The following PCDH11X variants were observed in gnomAD, a reference collection of about 807,000 sequenced individuals.
PCDH11X encodes protocadherin 11 X-linked.
A neutral mutation model predicts 53.3 loss-of-function variants in PCDH11X; 18 were observed. The observed-to-expected ratio is 0.34, with a 90% CI of 0.23 to 0.50. PCDH11X has a LOEUF of 0.50. Ranked by LOEUF, PCDH11X falls within the 20% of genes least tolerant of loss-of-function variation. The pLI is 0.98. For missense variants in PCDH11X, 570 were observed against 1,032.4 expected (o/e 0.55, Z 6.14); for synonymous variants, 279 against 393.3 (o/e 0.71, Z 3.44).
chrX:92,217,106 T>A (rs1329230217), intron 7 of PCDH11X, among the ~76,000 whole-genome samples: 2 of 110,862 alleles, frequency 1.8e-5, no homozygotes, highest in Non-Finnish European at 3.8e-5. Flanking sequence ...TCATGCCAAA[T>A]TGTAAAGACC....
chrX:92,180,759 C>T (rs1331465491), intron 6 of PCDH11X, among the ~76,000 whole-genome samples: 1 of 111,788 alleles, frequency 8.9e-6, no homozygotes, highest in African/African-American at 3.3e-5. Flanking sequence ...AGCTCTCGCT[C>T]TTTGCGAACT....
intron 1 of PCDH11X, among the ~76,000 whole-genome samples, chrX:91,802,845 A>G (rs1409400590): frequency 9.0e-6 from 1 of 111,460 alleles, no homozygotes; most frequent in Non-Finnish European, 1.9e-5. Flanking sequence ...ATTTCTCCTC[A>G]CATCTGCAGA....
chrX:92,184,924 A>G (rs2066063737), intron 6 of PCDH11X, among the ~76,000 whole-genome samples: 1 of 111,125 alleles, frequency 9.0e-6, no homozygotes, highest in Non-Finnish European at 1.9e-5. Context: ...TGGTAATAAT[A>G]TAATATAATA....
intron 4 of PCDH11X, among the ~76,000 whole-genome samples, chrX:91,833,433 G>C (rs1328149117): frequency 9.1e-6 from 1 of 109,490 alleles, no homozygotes; most frequent in East Asian, 2.9e-4. Flanking sequence ...TAATCCCAAT[G>C]CACATCATTG....
chrX:92,112,949 C>A (rs1411602932), intron 6 of PCDH11X, among the ~76,000 whole-genome samples: 1 of 109,344 alleles, frequency 9.1e-6, no homozygotes, highest in Non-Finnish European at 1.9e-5. Context: ...GATTAACTTC[C>A]CTGAAGAACA....
intron 6 of PCDH11X, among the ~76,000 whole-genome samples, chrX:91,907,410 C>CAGAGAGAGAGAGAGAG (rs1302662059): frequency 4.8e-4 from 27 of 56,215 alleles, no homozygotes; most frequent in South Asian, 2.1e-3. Context: ...CACACACACA[C>CAGAGAGAGAGAGAGAG]ACAGAGAGAG....
At chrX:92,355,232 C>T (rs1432143820) in intron 8 of PCDH11X, among the ~76,000 whole-genome samples, 3 of 88,633 alleles carry the variant, frequency 3.4e-5, no homozygotes, top group Admixed American at 1.4e-4. Flanking sequence ...TCGAGACCAT[C>T]CCGGCTAAAA....
chrX:92,472,952 T>C (rs2073298867), intron 10 of PCDH11X, among the ~76,000 whole-genome samples: 1 of 109,669 alleles, frequency 9.1e-6, no homozygotes. Context: ...GCCAGCACTT[T>C]TTGCACATTG....
chrX:92,102,340 C>A (rs1403431440), intron 6 of PCDH11X, among the ~76,000 whole-genome samples: 3 of 108,972 alleles, frequency 2.8e-5, no homozygotes, highest in African/African-American at 6.7e-5. Flanking sequence ...GTACGCAGAC[C>A]TGAGGGCTAG....
chrX:92,220,746 A>G (rs1013415908), intron 7 of PCDH11X, among the ~76,000 whole-genome samples: 11 of 108,410 alleles, frequency 1.0e-4, no homozygotes, highest in African/African-American at 3.7e-4. Flanking sequence ...AGACACATGC[A>G]CAGGTATGTT....
intron 4 of PCDH11X, among the ~76,000 whole-genome samples, chrX:91,823,432 C>A (rs1390125784): frequency 9.0e-6 from 1 of 111,103 alleles, no homozygotes; most frequent in Non-Finnish European, 1.9e-5. Context: ...TATGGAATGG[C>A]CTTCTTTGTC....
chrX:91,885,909 A>T (rs1233171428), intron 6 of PCDH11X, among the ~76,000 whole-genome samples: 1 of 112,025 alleles, frequency 8.9e-6, no homozygotes, highest in Non-Finnish European at 1.9e-5. Flanking sequence ...TACCCATATA[A>T]GCCAATGATA....
intron 10 of PCDH11X, among the ~76,000 whole-genome samples, chrX:92,564,831 C>T (rs1921271299): frequency 9.0e-6 from 1 of 110,850 alleles, no homozygotes; most frequent in South Asian, 3.8e-4. Flanking sequence ...AGGGAAGAGA[C>T]AACCTGCAGA....
chrX:91,941,914 T>C (rs2061515499), intron 6 of PCDH11X, among the ~76,000 whole-genome samples: 1 of 110,519 alleles, frequency 9.0e-6, no homozygotes, highest in Non-Finnish European at 1.9e-5. Context: ...TGGAAACATC[T>C]CCAAATAATT....
In PCDH11X at chrX:92,255,509, G is replaced by C. The variant is rs2067556433; in HGVS notation, c.3115-7605G>C. 2.8e-5 allele frequency among the ~76,000 whole-genome samples: 3 copies of C among 109,064 alleles called. No homozygotes were observed. The South Asian group carries it at 1.2e-3, about 45-fold the overall frequency. 94.7% of individuals were successfully genotyped at this position (109,064 alleles called of 115,157 possible). On this transcript the variant is annotated intron_variant, in intron 7 of 10. Coordinates refer to ENST00000682573, the MANE Select transcript of PCDH11X (RefSeq NM_032968.5). ...GGAGCTGCGTTCCTTTGGAGGAGGAGAGGCGCTCTGATTTTTAGAGTTTCC... is the reference window on the plus strand; with the variant it reads ...GGAGCTGCGTTCCTTTGGAGGAGGACAGGCGCTCTGATTTTTAGAGTTTCC...
chrX:92,160,003 G>A (rs190525945), intron 6 of PCDH11X, among the ~76,000 whole-genome samples: 17 of 110,121 alleles, frequency 1.5e-4, no homozygotes, highest in Middle Eastern at 4.7e-3. Context: ...ACTCCATTTT[G>A]GTTTGCTCTA....
At chrX:92,042,961 A>G (rs1441163631) in intron 6 of PCDH11X, among the ~76,000 whole-genome samples, 1 of 109,899 alleles carries the variant, frequency 9.1e-6, no homozygotes, top group East Asian at 2.9e-4. Flanking sequence ...TTAAGAACAC[A>G]TTTCTGTGAT....
intron 6 of PCDH11X, among the ~76,000 whole-genome samples, chrX:92,082,942 T>C (rs1272739045): frequency 1.8e-5 from 2 of 111,401 alleles, no homozygotes; most frequent in Non-Finnish European, 3.8e-5. Flanking sequence ...AGTAGAATTT[T>C]ATAATATATT....
chrX:91,882,432 A>G (rs755353811), intron 6 of PCDH11X, among the ~76,000 whole-genome samples: 76 of 110,970 alleles, frequency 6.8e-4, no homozygotes, highest in Middle Eastern at 4.7e-3. Context: ...GTCTTGCTTA[A>G]TACAATTCAC....
Sources: gnomAD v4.1 joint callset for allele counts (sites outside exome capture counted in the v4.1 genomes callset) on GRCh38, gnomAD v4.1.1 for gene constraint, MANE v1.5 for transcripts, NCBI Gene and HGNC (gene_info 2026-07-23, HGNC 2026-07-21) for gene names.